Variants in GRIA1 observed in about 807,000 individuals in gnomAD.
GRIA1 encodes glutamate ionotropic receptor AMPA type subunit 1.
A neutral mutation model predicts 99.2 loss-of-function variants in GRIA1; 31 were observed. That is an observed-to-expected ratio of 0.31 (90% CI 0.23 to 0.42). GRIA1 has a LOEUF of 0.42. Ranked by LOEUF, GRIA1 falls within the 10% of genes least tolerant of loss-of-function variation. The pLI is 1.00. For missense variants in GRIA1, 782 were observed against 1,157.5 expected (o/e 0.68, Z 4.71); for synonymous variants, 438 against 432.4 (o/e 1.01, Z -0.16).
At chr5:153,768,545 A>C (rs577381742) in intron 12 of GRIA1, among the ~76,000 whole-genome samples, 3 of 152,250 alleles carry the variant, frequency 2.0e-5, no homozygotes, top group East Asian at 1.9e-4. Context: ...ATTAAAACTG[A>C]AGTTTTAATA....
chr5:153,778,868 G>A (rs192597878), intron 13 of GRIA1, among the ~76,000 whole-genome samples: 1 of 152,108 alleles, frequency 6.6e-6, no homozygotes, highest in African/African-American at 2.4e-5. Flanking sequence ...AACCTCTCCA[G>A]GATCAGAGCC....
intron 11 of GRIA1, among the ~76,000 whole-genome samples, chr5:153,716,384 T>C (rs1156868999): frequency 6.6e-6 from 1 of 152,198 alleles, no homozygotes; most frequent in Non-Finnish European, 1.5e-5. Context: ...CCCTTAGGGC[T>C]CCCCAGGGAT....
intron 1 of GRIA1, chr5:153,491,182 C>T: frequency 1.8e-6 from 2 of 1,091,392 alleles, no homozygotes; most frequent in Admixed American, 6.0e-5. Flanking sequence ...TTCACACACG[C>T]ACACATACCC....
chr5:153,750,880 G>A (rs571850045), intron 11 of GRIA1, among the ~76,000 whole-genome samples: 2 of 152,166 alleles, frequency 1.3e-5, no homozygotes, highest in East Asian at 1.9e-4. Flanking sequence ...GCCGGATCAC[G>A]AGGTCAGGAG....
intron 2 of GRIA1, among the ~76,000 whole-genome samples, chr5:153,529,190 G>A (rs771133870): frequency 1.3e-5 from 2 of 152,162 alleles, no homozygotes; most frequent in Non-Finnish European, 2.9e-5. Flanking sequence ...GTTCCAGGGG[G>A]TGAGTTACTG....
At chr5:153,539,434 T>C (rs1758866374) in intron 2 of GRIA1, among the ~76,000 whole-genome samples, 1 of 152,226 alleles carries the variant, frequency 6.6e-6, no homozygotes, top group South Asian at 2.1e-4. Flanking sequence ...AAAAGGAAAT[T>C]TAAAATGAAT....
At chr5:153,625,931 C>T (rs919121169) in intron 2 of GRIA1, among the ~76,000 whole-genome samples, 31 of 152,166 alleles carry the variant, frequency 2.0e-4, no homozygotes, top group African/African-American at 7.5e-4. Flanking sequence ...CACAAACAAG[C>T]ACAAGCACAA....
chr5:153,795,331 C>A, intron 14 of GRIA1: 1 of 557,998 alleles, frequency 1.8e-6, no homozygotes, highest in Non-Finnish European at 3.3e-6. Flanking sequence ...CATGGTGGGG[C>A]GGGGCCAGAT....
intron 13 of GRIA1, among the ~76,000 whole-genome samples, 162 bp from the exon 14 acceptor site, chr5:153,794,459 T>C (rs1325072840): frequency 6.6e-6 from 1 of 152,082 alleles, no homozygotes; most frequent in Non-Finnish European, 1.5e-5. Context: ...CTTGGCTCCA[T>C]CCCCCAATTC....
chr5:153,760,465 A>G (rs1334775607), intron 11 of GRIA1, among the ~76,000 whole-genome samples: 1 of 152,114 alleles, frequency 6.6e-6, no homozygotes, highest in Non-Finnish European at 1.5e-5. Flanking sequence ...AGTAAATTTA[A>G]CCAAGGAGAT....
intron 4 of GRIA1, among the ~76,000 whole-genome samples, chr5:153,653,144 C>G (rs1353195679): frequency 6.6e-6 from 1 of 152,082 alleles, no homozygotes; most frequent in African/African-American, 2.4e-5. Context: ...GTGCTTGACA[C>G]CAAATAAAGT....
rs185459085 is a variant in GRIA1 at position 153,665,703 on chromosome 5, G to A, written c.700-8797G>A. Reference sequence around the variant, plus strand: ...GAAGAGCCCTTAAGAGAGAAATCAAGTGGCTCAGAAGTTTCCAAACTTTTT... The same window carrying A: ...GAAGAGCCCTTAAGAGAGAAATCAAATGGCTCAGAAGTTTCCAAACTTTTT... On this transcript the variant is annotated intron_variant, in intron 5 of 15. Coordinates refer to ENST00000285900, the MANE Select transcript of GRIA1 (RefSeq NM_000827.4). Among the ~76,000 whole-genome samples, 7 of 152,292 alleles carry A rather than the reference G, an allele frequency of 4.6e-5. No individual in the cohort carries two copies. In the East Asian group the frequency reaches 1.2e-3, roughly 25 times the overall value.
At chr5:153,566,505 C>T (rs1278902430) in intron 2 of GRIA1, among the ~76,000 whole-genome samples, 6 of 150,542 alleles carry the variant, frequency 4.0e-5, no homozygotes, top group African/African-American at 1.5e-4. Context: ...GGGGTTTCAC[C>T]ATGTTGGCCA....
chr5:153,788,759 T>C (rs1765128049), intron 13 of GRIA1, among the ~76,000 whole-genome samples: 1 of 152,252 alleles, frequency 6.6e-6, no homozygotes, highest in African/African-American at 2.4e-5. Context: ...CCTCTCGTGG[T>C]GCTAGCACAT....
intron 8 of GRIA1, 71 bp from the exon 9 acceptor site, chr5:153,697,972 TG>T: frequency 2.8e-6 from 2 of 707,060 alleles, no homozygotes; most frequent in Admixed American, 2.0e-5. Flanking sequence ...TGGTATTGAC[TG>T]GGTGACCCAG....
At chr5:153,568,511 C>T (rs1479966793) in intron 2 of GRIA1, among the ~76,000 whole-genome samples, 2 of 151,926 alleles carry the variant, frequency 1.3e-5, no homozygotes, top group East Asian at 1.9e-4. Flanking sequence ...TTTTAATGGG[C>T]TTTTACTGAG....
intron 14 of GRIA1, chr5:153,795,690 G>A: frequency 1.5e-6 from 1 of 645,268 alleles, no homozygotes. Context: ...GCCTTAGAGA[G>A]CTGGGCCCCA....
chr5:153,544,344 T>A (rs1759417468), intron 2 of GRIA1, among the ~76,000 whole-genome samples: 1 of 152,142 alleles, frequency 6.6e-6, no homozygotes, highest in African/African-American at 2.4e-5. Flanking sequence ...GAGGGAGATA[T>A]CTTCTATTCT....
At chr5:153,541,928 CAAAAAAAAAAAAAA>C (rs57442019) in intron 2 of GRIA1, among the ~76,000 whole-genome samples, 6 of 97,432 alleles carry the variant, frequency 6.2e-5, no homozygotes, top group East Asian at 4.0e-4. Flanking sequence ...GATCCTGTTT[CAAAAAAAAAAAAAA>C]AAAAAAAAAA....
Sources: gnomAD v4.1 joint callset for allele counts (sites outside exome capture counted in the v4.1 genomes callset) on GRCh38, gnomAD v4.1.1 for gene constraint, MANE v1.5 for transcripts, NCBI Gene and HGNC (gene_info 2026-07-23, HGNC 2026-07-21) for gene names.